Variants in EYA3 observed in about 807,000 individuals in gnomAD.
EYA3 encodes protein phosphatase EYA3.
In EYA3, 39 loss-of-function variants were observed where a neutral mutation model predicts 80.0. That is an observed-to-expected ratio of 0.49 (90% confidence interval 0.38 to 0.64). The LOEUF is 0.64. Among genes scored for constraint, EYA3 ranks in the 30% least tolerant of loss-of-function variants. EYA3 has a pLI of 0.00. For missense variants in EYA3, 523 were observed against 676.1 expected (o/e 0.77, Z 2.51); for synonymous variants, 206 against 232.8 (o/e 0.88, Z 1.05).
At chr1:27,980,470 T>C (rs1023412265) in intron 16 of EYA3, among the ~76,000 whole-genome samples, 1 of 152,204 alleles carries the variant, frequency 6.6e-6, no homozygotes, top group Admixed American at 6.5e-5. Flanking sequence ...TGGCATGCAA[T>C]GATCAAGGAT....
At position 27,970,512 on chromosome 1, in the gene EYA3, G is replaced by A. The variant is rs1489119707; in HGVS notation, c.*3954C>T. On this transcript the variant is annotated 3_prime_UTR_variant, in exon 18 of 18. Coordinates refer to ENST00000373871, the MANE Select transcript of EYA3 (RefSeq NM_001990.4). ...GAGGCATCTGAAGTTCAGAGGGAGA[G>A]TCGCATTTTGAGTAGAAGTCGTCCT... 1 of 152,164 alleles carries A rather than the reference G, an allele frequency of 6.6e-6. No homozygotes were observed. Among genetic ancestry groups the A allele is most frequent in the Non-Finnish European group, 1.5e-5 (1 of 68,028 alleles). 9.4% of individuals were successfully genotyped at this position (152,164 alleles called of 1,614,324 possible). A position where few individuals can be genotyped will look rare whatever the true frequency, so the allele number is the denominator to read the frequency against.
chr1:27,978,250 TG>T, intron 17 of EYA3, 123 bp downstream of exon 17: 1 of 669,112 alleles, frequency 1.5e-6, no homozygotes. Context: ...TAAAGAAAAA[TG>T]GGAGAGGAAG....
At position 28,013,407 on chromosome 1, in the gene EYA3, T is replaced by C. The variant is rs1174665619; in HGVS notation, c.586-113A>G. The C allele has an allele frequency of 3.1e-6, 3 of 972,046 alleles. No individual in the cohort carries two copies. Among genetic ancestry groups the C allele is most frequent in the Non-Finnish European group, 4.4e-6 (3 of 688,922 alleles). 60.2% of individuals were successfully genotyped at this position (972,046 alleles called of 1,614,324 possible). A position where few individuals can be genotyped will look rare whatever the true frequency, so the allele number is the denominator to read the frequency against. On this transcript the variant is annotated intron_variant, in intron 8 of 17. Transcript: ENST00000373871. The surrounding 1 kb of genome is among the most constrained non-coding windows in gnomAD (Gnocchi z 4.0). Reference sequence around the variant, plus strand: ...CATAATTATTTTTCTAAAACATTAATTTGACTTCTCATTTACCTACCTAAA... The same window carrying C: ...CATAATTATTTTTCTAAAACATTAACTTGACTTCTCATTTACCTACCTAAA...
intron 3 of EYA3, among the ~76,000 whole-genome samples, chr1:28,046,271 A>G (rs544244310): frequency 6.6e-6 from 1 of 152,344 alleles, no homozygotes; most frequent in South Asian, 2.1e-4. Flanking sequence ...TATCATAGTA[A>G]AAAAATTGCT....
intron 13 of EYA3, among the ~76,000 whole-genome samples, chr1:27,995,934 G>A (rs1163584245): frequency 1.3e-5 from 2 of 152,218 alleles, no homozygotes; most frequent in East Asian, 1.9e-4. Flanking sequence ...GTGCAGGGGC[G>A]TGATCTCGGC....
chr1:28,055,462 CTTTTTTTTT>C (rs531586344), intron 2 of EYA3, among the ~76,000 whole-genome samples: 2 of 106,954 alleles, frequency 1.9e-5, no homozygotes, highest in Non-Finnish European at 3.7e-5. Flanking sequence ...TAAAGAAAAT[CTTTTTTTTT>C]TTTTTTTTTT....
intron 8 of EYA3, among the ~76,000 whole-genome samples, chr1:28,014,629 G>A (rs1641920683): frequency 6.6e-6 from 1 of 151,632 alleles, no homozygotes; most frequent in South Asian, 2.1e-4. Context: ...TAGGGAAGAT[G>A]AGGCAGGAGA....
intron 16 of EYA3, among the ~76,000 whole-genome samples, chr1:27,987,114 T>C (rs1375898313): frequency 6.6e-6 from 1 of 152,242 alleles, no homozygotes; most frequent in Non-Finnish European, 1.5e-5. Flanking sequence ...CAATTCCCAT[T>C]TCCCTTCCCC....
chr1:28,042,134 C>T (rs1295477499), intron 4 of EYA3, among the ~76,000 whole-genome samples: 2 of 152,114 alleles, frequency 1.3e-5, no homozygotes, highest in African/African-American at 2.4e-5. Context: ...CTAGATGATT[C>T]TTATGTAGGC....
chr1:28,052,363 G>T (rs1307821139), intron 2 of EYA3, among the ~76,000 whole-genome samples: 1 of 152,136 alleles, frequency 6.6e-6, no homozygotes, highest in Non-Finnish European at 1.5e-5. Context: ...TGTGGTACTG[G>T]CATAAGGATG....
In EYA3 at chr1:28,085,496, C is replaced by T. The variant is rs577211445; in HGVS notation, c.-69+3028G>A. Among the ~76,000 whole-genome samples the T allele has an allele frequency of 2.6e-4, 40 of 152,074 alleles. No homozygotes were observed. In the South Asian group the frequency reaches 3.9e-3, roughly 15 times the overall value. On this transcript the variant is annotated intron_variant, in intron 1 of 17. Coordinates refer to ENST00000373871, the MANE Select transcript of EYA3 (RefSeq NM_001990.4). ...ACAAACAAACAAAAAACTACATCTC[C>T]GTAAACACAGGATTCAAGGACCAAA...
intron 17 of EYA3, chr1:27,977,238 G>T: frequency 6.5e-7 from 1 of 1,533,114 alleles, no homozygotes; most frequent in South Asian, 1.2e-5. Flanking sequence ...TACATAAAGT[G>T]ACAAATGAAA....
chr1:28,038,507 A>C (rs1443906155), intron 5 of EYA3, among the ~76,000 whole-genome samples: 2 of 150,052 alleles, frequency 1.3e-5, no homozygotes, highest in South Asian at 2.1e-4. Context: ...TGTTTTTATT[A>C]ATCTGTATGC....
intron 10 of EYA3, among the ~76,000 whole-genome samples, chr1:28,008,101 T>C (rs916901445): frequency 5.9e-5 from 9 of 152,168 alleles, no homozygotes; most frequent in African/African-American, 1.9e-4. Context: ...TTCTTTTTCT[T>C]TTTTTAGTTT....
rs1571683103 is a variant in EYA3 at position 27,972,174 on chromosome 1, G to A, written c.*2292C>T. The A allele has an allele frequency of 6.6e-6, 1 of 152,222 alleles. No homozygotes were observed. The highest frequency in any genetic ancestry group is 2.4e-5 in the African/African-American group (1 of 41,442). The allele number at this position is 152,222 out of a possible 1,614,324, so 9.4% of individuals were successfully genotyped here. On this transcript the variant is annotated 3_prime_UTR_variant, in exon 18 of 18. Transcript: ENST00000373871. Reference sequence around the variant, plus strand: ...ACCTGAAGCGCAGCACAACAGCCGTGGCCTTTGTCCAGGACAAAAACCCAA... The same window carrying A: ...ACCTGAAGCGCAGCACAACAGCCGTAGCCTTTGTCCAGGACAAAAACCCAA...
intron 15 of EYA3, 40 bp from the exon 16 acceptor site, chr1:27,988,696 A>G (rs1277577746): frequency 1.9e-6 from 3 of 1,604,044 alleles, no homozygotes; most frequent in South Asian, 2.2e-5. Flanking sequence ...GTGAAACTAA[A>G]CCAACCTGGG....
chr1:28,047,438 GGC>G (rs1415475940), intron 3 of EYA3, among the ~76,000 whole-genome samples: 1 of 152,100 alleles, frequency 6.6e-6, no homozygotes, highest in African/African-American at 2.4e-5. Context: ...TGGCTAGCAT[GGC>G]AGTTCTAGAA....
intron 1 of EYA3, among the ~76,000 whole-genome samples, chr1:28,060,540 C>T (rs982435239): frequency 6.6e-6 from 1 of 152,136 alleles, no homozygotes; most frequent in African/African-American, 2.4e-5. Context: ...TCTACTATTT[C>T]TTGACATAAA....
chr1:28,067,519 C>G (rs1243439555), intron 1 of EYA3, among the ~76,000 whole-genome samples: 2 of 152,006 alleles, frequency 1.3e-5, no homozygotes, highest in Non-Finnish European at 2.9e-5. Flanking sequence ...ATTCTTCATT[C>G]TTGCCCCCAA....
Sources: allele counts gnomAD v4.1 joint callset (sites outside exome capture counted in the v4.1 genomes callset), GRCh38; gene constraint gnomAD v4.1.1; non-coding constraint Gnocchi (gnomAD v3.1); transcripts MANE v1.5; gene names NCBI Gene and HGNC (gene_info 2026-07-23, HGNC 2026-07-21).